FMN1: variants seen among roughly 807,000 people sequenced by gnomAD.
The protein encoded by FMN1 is formin-1.
In FMN1, 110 loss-of-function variants were observed where a neutral mutation model predicts 132.4. That is an observed-to-expected ratio of 0.83 (90% confidence interval 0.71 to 0.97). The LOEUF is 0.97. FMN1 is among the 50% of genes least tolerant of loss of function. The probability of loss-of-function intolerance (pLI) is 0.00; values close to 1 mark genes in which losing one functional copy is unlikely to be tolerated. For missense variants in FMN1, 1,792 were observed against 1,705.3 expected, an observed-to-expected ratio of 1.05 and a Z score of -0.90; for synonymous variants, 722 against 651.7, an observed-to-expected ratio of 1.11 and a Z score of -1.64.
chr15:32,942,307 G>C (rs1382829993), intron 9 of FMN1, among the ~76,000 whole-genome samples: 1 of 152,306 alleles, frequency 6.6e-6, no homozygotes, highest in South Asian at 2.1e-4. Context: ...TGGGAAGACA[G>C]ATTTGCTACA....
intron 9 of FMN1, among the ~76,000 whole-genome samples, chr15:32,949,613 C>A (rs1486000749): frequency 6.6e-6 from 1 of 151,926 alleles, no homozygotes; most frequent in East Asian, 1.9e-4. Context: ...TAGAAGACAA[C>A]CTAGGCAATA....
intron 5 of FMN1, among the ~76,000 whole-genome samples, chr15:33,086,626 GCA>G (rs2038707474): frequency 6.6e-6 from 1 of 152,162 alleles, no homozygotes; most frequent in Non-Finnish European, 1.5e-5. Flanking sequence ...ATCTACTTCA[GCA>G]CTTTTACACT....
chr15:33,173,228 A>G (rs1018607478), intron 3 of FMN1, among the ~76,000 whole-genome samples: 9 of 152,342 alleles, frequency 5.9e-5, no homozygotes, highest in Non-Finnish European at 1.0e-4. Flanking sequence ...GGAGGAGGAC[A>G]TAATTGGTTA....
At chr15:33,173,364 T>C (rs564372310) in intron 3 of FMN1, among the ~76,000 whole-genome samples, 1 of 152,352 alleles carries the variant, frequency 6.6e-6, no homozygotes, top group Admixed American at 6.5e-5. Context: ...TTCTTTTTCT[T>C]AGTGTTTGTA....
rs536190008 is a variant in FMN1, at chr15:33,167,689, T to G, written c.-132+12509A>C. Among the ~76,000 whole-genome samples the G allele has an allele frequency of 2.0e-5, 3 of 152,358 alleles. No individual in the cohort carries two copies. In the East Asian group the frequency reaches 5.8e-4, roughly 29 times the overall value. ...AAGTCTTACTGATAACATAAACAGT[T>G]GATTAACACATATTTGTATGTTATA... On this transcript the variant is annotated intron_variant, in intron 3 of 20. Transcript: ENST00000616417.
rs531309039 is a variant in FMN1 at position 33,023,291 on chromosome 15, G to C, written c.2162-15216C>G. ...AAAAAAAAATCATCCTATAGATCAC[G>C]AGCCTTCAAGCCAAACTTTCAAAAC... is the stretch of plus-strand genomic sequence containing the variant. On this transcript the variant is annotated intron_variant, in intron 6 of 20. Coordinates refer to ENST00000616417, the MANE Select transcript of FMN1 (RefSeq NM_001277313.2). Among the ~76,000 whole-genome samples, 211 of 151,726 alleles carry C rather than the reference G, an allele frequency of 1.4e-3. 7 individuals are homozygous for C. In the South Asian group the frequency reaches 0.043, roughly 31 times the overall value.
At chr15:33,009,058 G>T (rs1467697752) in intron 6 of FMN1, among the ~76,000 whole-genome samples, 1 of 152,224 alleles carries the variant, frequency 6.6e-6, no homozygotes, top group Non-Finnish European at 1.5e-5. Context: ...AGCCACGCCA[G>T]AAAAGTAGTG....
intron 15 of FMN1, among the ~76,000 whole-genome samples, chr15:32,892,055 CTT>C (rs536132382): frequency 1.1e-3 from 160 of 152,236 alleles, no homozygotes; most frequent in Admixed American, 8.0e-3. Flanking sequence ...CTTTCTTTCT[CTT>C]GTCTGATTGC....
At chr15:32,777,567 T>A (rs1363238781) in intron 19 of FMN1, among the ~76,000 whole-genome samples, 2 of 139,394 alleles carry the variant, frequency 1.4e-5, no homozygotes, top group East Asian at 4.0e-4. Flanking sequence ...CATATAACAC[T>A]TTATATATTA....
chr15:32,890,194 C>T (rs1285753560), intron 15 of FMN1, among the ~76,000 whole-genome samples: 6 of 152,252 alleles, frequency 3.9e-5, no homozygotes, highest in African/African-American at 1.4e-4. Flanking sequence ...TGGGTTGGTT[C>T]CATGATTTTG....
chr15:33,101,740 T>C (rs769605560), intron 4 of FMN1, among the ~76,000 whole-genome samples: 2 of 152,184 alleles, frequency 1.3e-5, no homozygotes, highest in East Asian at 3.9e-4. Context: ...CCTATGATTA[T>C]GACATTTCCC....
chr15:33,110,359 G>A (rs1459796174), intron 4 of FMN1, among the ~76,000 whole-genome samples: 6 of 151,982 alleles, frequency 3.9e-5, no homozygotes, highest in Non-Finnish European at 8.8e-5. Context: ...GAACCAAAAG[G>A]TTATGTATCA....
In FMN1 at chr15:32,893,766, T is replaced by C. The variant is rs563383415; in HGVS notation, c.3714+5068A>G. The stretch of plus-strand genomic sequence containing the variant: ...GACTGGGCCATCCCATGTTTGAAAC[T>C]GTTCTCATTGTAAGATTTTCCTCTG... On this transcript the variant is annotated intron_variant, in intron 15 of 20. Transcript: ENST00000616417. Among the ~76,000 whole-genome samples, 5 of 152,370 alleles carry C rather than the reference T, an allele frequency of 3.3e-5. No homozygotes were observed. The East Asian group carries it at 9.6e-4, about 29-fold the overall frequency.
Position 33,151,376 on chromosome 15 carries a change from A to C in FMN1, c.1867+1672T>G, listed in dbSNP as rs941563268. The C allele has an allele frequency of 5.2e-6, 8 of 1,536,584 alleles. No homozygotes were observed. In the African/African-American group the frequency reaches 9.6e-5, roughly 18 times the overall value. ...AAAGTGCTGCTGAAGATCCCAATGG[A>C]AGGCTGAGGCCAAAGTAAAGGGAAT... On this transcript the variant is annotated intron_variant, in intron 4 of 20. Transcript: ENST00000616417.
intron 7 of FMN1, among the ~76,000 whole-genome samples, chr15:32,971,425 T>C (rs1183723186): frequency 6.6e-6 from 1 of 152,242 alleles, no homozygotes; most frequent in Non-Finnish European, 1.5e-5. Context: ...TGAGTTCTAC[T>C]ACCGATTACC....
intron 19 of FMN1, among the ~76,000 whole-genome samples, chr15:32,795,611 A>G (rs2057261841): frequency 6.6e-6 from 1 of 151,848 alleles, no homozygotes; most frequent in African/African-American, 2.4e-5. Flanking sequence ...GGCAGGGTGA[A>G]GGGTAAAAAT....
intron 19 of FMN1, among the ~76,000 whole-genome samples, chr15:32,777,695 A>ATAACACATTTATATATTACGTATAACT: frequency 8.1e-6 from 1 of 124,210 alleles, no homozygotes; most frequent in African/African-American, 3.0e-5. Flanking sequence ...TACGTATAAC[A>ATAACACATTTATATATTACGTATAACT]TATAACACAT....
At chr15:32,804,392 T>C in intron 17 of FMN1, 60 bp from the exon 18 acceptor site, 1 of 789,264 alleles carries the variant, frequency 1.3e-6, no homozygotes, top group Non-Finnish European at 1.9e-6. Flanking sequence ...TGCGTAATCT[T>C]ACAGCTTCAA....
intron 17 of FMN1, among the ~76,000 whole-genome samples, chr15:32,807,876 T>C (rs1027903259): frequency 6.6e-6 from 1 of 152,240 alleles, no homozygotes; most frequent in African/African-American, 2.4e-5. Flanking sequence ...AAAAGGCATC[T>C]ACCTTTATGG....
Sources: allele counts gnomAD v4.1 joint callset (sites outside exome capture counted in the v4.1 genomes callset), GRCh38; gene constraint gnomAD v4.1.1; transcripts MANE v1.5; gene names NCBI Gene and HGNC (gene_info 2026-07-23, HGNC 2026-07-21).